SHROOM3: variants seen among roughly 807,000 people sequenced by gnomAD.
The protein encoded by SHROOM3 is shroom family member 3, also known as protein Shroom3.
In SHROOM3, 47 loss-of-function variants were observed where a neutral mutation model predicts 138.6. The ratio of observed to expected loss-of-function variants is 0.34; its 90% CI spans 0.27 to 0.43. SHROOM3 has a LOEUF of 0.43. Among genes scored for constraint, SHROOM3 ranks in the 20% least tolerant of loss-of-function variants. The probability of loss-of-function intolerance (pLI) is 1.00; values close to 1 mark genes in which losing one functional copy is unlikely to be tolerated. For synonymous variants in SHROOM3, 1,062 were observed against 1,063.3 expected (o/e 1.00, Z 0.02); for missense variants, 2,491 against 2,596.5 (o/e 0.96, Z 0.88).
chr4:76,703,266 G>C (rs186051501), intron 2 of SHROOM3, among the ~76,000 whole-genome samples: 2 of 152,270 alleles, frequency 1.3e-5, no homozygotes, highest in East Asian at 3.9e-4. Context: ...TAGGATACAG[G>C]CCTGAGGGCA....
intron 3 of SHROOM3, among the ~76,000 whole-genome samples, chr4:76,730,447 A>G (rs1480057846): frequency 6.6e-6 from 1 of 152,256 alleles, no homozygotes; most frequent in Non-Finnish European, 1.5e-5. Flanking sequence ...ATGGATAGAT[A>G]GAGACCAAGA....
chr4:76,579,823 T>G (rs1017556939), intron 2 of SHROOM3, among the ~76,000 whole-genome samples: 1 of 152,212 alleles, frequency 6.6e-6, no homozygotes, highest in African/African-American at 2.4e-5. Context: ...AGTTATCTTT[T>G]CCACTGAAGA....
At chr4:76,645,221 T>C (rs990146014) in intron 2 of SHROOM3, 4 of 152,212 alleles carry the variant, frequency 2.6e-5, no homozygotes, top group South Asian at 2.1e-4. Context: ...CTACCACTTA[T>C]CTCTGTGGCT....
chr4:76,574,717 G>A (rs1313052359), intron 2 of SHROOM3, among the ~76,000 whole-genome samples: 2 of 152,120 alleles, frequency 1.3e-5, no homozygotes, highest in Non-Finnish European at 2.9e-5. Flanking sequence ...AAATAAGCCA[G>A]TCACAAAAAG....
At chr4:76,641,889 A>G (rs1470489660) in intron 2 of SHROOM3, among the ~76,000 whole-genome samples, 1 of 152,210 alleles carries the variant, frequency 6.6e-6, no homozygotes, top group East Asian at 1.9e-4. Flanking sequence ...AGATGGAAAT[A>G]TACTCCAGGG....
chr4:76,769,110 TTGTG>T (rs558184730), intron 9 of SHROOM3, among the ~76,000 whole-genome samples: 68 of 151,812 alleles, frequency 4.5e-4, no homozygotes, highest in African/African-American at 1.4e-3. Context: ...TTTCCTTTTT[TTGTG>T]TGTGTGTTTT....
intron 3 of SHROOM3, among the ~76,000 whole-genome samples, chr4:76,713,925 C>T (rs764579867): frequency 5.9e-5 from 9 of 152,170 alleles, no homozygotes; most frequent in Non-Finnish European, 1.2e-4. Context: ...CTCTCTGCAA[C>T]CCAACTGTTA....
chr4:76,737,070 C>T (rs1224111343), intron 4 of SHROOM3, among the ~76,000 whole-genome samples: 4 of 152,296 alleles, frequency 2.6e-5, no homozygotes, highest in East Asian at 1.9e-4. Flanking sequence ...CCTCTGTGCT[C>T]GCCCATTCCT....
At chr4:76,678,481 T>C (rs1045492854) in intron 2 of SHROOM3, among the ~76,000 whole-genome samples, 1 of 152,122 alleles carries the variant, frequency 6.6e-6, no homozygotes, top group African/African-American at 2.4e-5. Flanking sequence ...CTTAAAGCAG[T>C]GTATGGCAAT....
intron 2 of SHROOM3, among the ~76,000 whole-genome samples, chr4:76,625,504 T>G (rs937030149): frequency 1.0e-4 from 13 of 130,160 alleles, no homozygotes; most frequent in African/African-American, 3.2e-4. Flanking sequence ...ACCCAGCCTC[T>G]CCCTCTGTCT....
intron 1 of SHROOM3, among the ~76,000 whole-genome samples, chr4:76,498,153 G>A (rs1301173214): frequency 1.3e-5 from 2 of 152,220 alleles, no homozygotes; most frequent in Admixed American, 1.3e-4. Flanking sequence ...AATTCTATAT[G>A]ATCAGAGATA....
chr4:76,539,475 C>T (rs1381142452), intron 1 of SHROOM3, among the ~76,000 whole-genome samples: 1 of 152,136 alleles, frequency 6.6e-6, no homozygotes, highest in Non-Finnish European at 1.5e-5. Context: ...CTCTTTAATA[C>T]TGTGAGGTAT....
chr4:76,491,121 A>T (rs1035210528), intron 1 of SHROOM3, among the ~76,000 whole-genome samples: 7 of 152,216 alleles, frequency 4.6e-5, no homozygotes, highest in African/African-American at 1.7e-4. Flanking sequence ...AATATGCTCA[A>T]TTAGAGTCAA....
intron 7 of SHROOM3, among the ~76,000 whole-genome samples, chr4:76,755,688 C>A (rs1184782715): frequency 6.6e-6 from 1 of 152,116 alleles, no homozygotes; most frequent in Non-Finnish European, 1.5e-5. Flanking sequence ...TTAATATATA[C>A]AGCCTTGAGG....
At chr4:76,537,753 G>A (rs4288028) in intron 1 of SHROOM3, among the ~76,000 whole-genome samples, 85,026 of 151,960 alleles carry the variant, frequency 0.56, 24,229 homozygotes, top group East Asian at 0.78. Flanking sequence ...AGGGGGCATT[G>A]GGGGATGATG....
chr4:76,504,458 C>T (rs1204100984), intron 1 of SHROOM3, among the ~76,000 whole-genome samples: 6 of 152,174 alleles, frequency 3.9e-5, no homozygotes, highest in Non-Finnish European at 5.9e-5. Context: ...AATGCCCGGC[C>T]GACTTATCAG....
At chr4:76,661,419 A>G (rs1736183433) in intron 2 of SHROOM3, among the ~76,000 whole-genome samples, 1 of 151,938 alleles carries the variant, frequency 6.6e-6, no homozygotes, top group South Asian at 2.1e-4. Context: ...TTTAGTAGAG[A>G]CGGGGTTTCA....
intron 3 of SHROOM3, among the ~76,000 whole-genome samples, chr4:76,728,751 A>T (rs999160629): frequency 6.6e-6 from 1 of 152,004 alleles, no homozygotes; most frequent in African/African-American, 2.4e-5. Context: ...TACCCCCGTG[A>T]TTTCAGGTCA....
At chr4:76,564,519 T>C (rs1289629103) in intron 2 of SHROOM3, among the ~76,000 whole-genome samples, 2 of 152,224 alleles carry the variant, frequency 1.3e-5, no homozygotes, top group African/African-American at 4.8e-5. Context: ...GTATTTTATT[T>C]CCTAACCAGT....
Sources: allele counts gnomAD v4.1 joint callset (sites outside exome capture counted in the v4.1 genomes callset), GRCh38; gene constraint gnomAD v4.1.1; transcripts MANE v1.5; gene names NCBI Gene and HGNC (gene_info 2026-07-23, HGNC 2026-07-21).